Variants in TBCD observed in about 807,000 individuals in gnomAD.
TBCD encodes tubulin folding cofactor D.
In TBCD, 105 loss-of-function variants were observed where a neutral mutation model predicts 169.3. The observed-to-expected ratio is 0.62, with a 90% confidence interval of 0.53 to 0.73. The LOEUF is 0.73. Among genes scored for constraint, TBCD ranks in the 30% least tolerant of loss-of-function variants. The pLI, the probability that TBCD is intolerant of heterozygous loss-of-function variation, is 0.00. For missense variants in TBCD, 1,444 were observed against 1,600.1 expected, an observed-to-expected ratio of 0.90 and a Z score of 1.66; for synonymous variants, 700 against 643.9, an observed-to-expected ratio of 1.09 and a Z score of -1.32.
chr17:82,919,531 G>A (rs2061286019), intron 23 of TBCD, among the ~76,000 whole-genome samples: 2 of 152,096 alleles, frequency 1.3e-5, no homozygotes, highest in Admixed American at 1.3e-4. Context: ...ATGAAATGGG[G>A]CAGAGCAGAC....
intron 17 of TBCD, among the ~76,000 whole-genome samples, chr17:82,898,273 ACGGC>A: frequency 2.0e-4 from 1 of 4,916 alleles, no homozygotes; most frequent in East Asian, 3.7e-3. Flanking sequence ...AGCACACGGC[ACGGC>A]TCTGGGTTTT....
intron 14 of TBCD, 65 bp downstream of exon 14, chr17:82,870,445 C>T: frequency 1.9e-6 from 3 of 1,562,746 alleles, no homozygotes; most frequent in South Asian, 1.2e-5. Flanking sequence ...GTGTCGTTTC[C>T]TCCATGAGAG....
intron 26 of TBCD, among the ~76,000 whole-genome samples, chr17:82,924,663 C>T (rs1282005790): frequency 6.6e-6 from 1 of 152,172 alleles, no homozygotes; most frequent in Non-Finnish European, 1.5e-5. Flanking sequence ...ATCCCAGCTA[C>T]TTGGGAGGCT....
At chr17:82,882,759 G>A (rs1407666818) in intron 14 of TBCD, among the ~76,000 whole-genome samples, 1 of 152,140 alleles carries the variant, frequency 6.6e-6, no homozygotes, top group Non-Finnish European at 1.5e-5. Context: ...CTGTGAAACC[G>A]GAGAGCAAGG....
At chr17:82,847,372 A>C (rs1397863840) in intron 13 of TBCD, among the ~76,000 whole-genome samples, 1 of 151,486 alleles carries the variant, frequency 6.6e-6, no homozygotes, top group Non-Finnish European at 1.5e-5. Context: ...AAAAAAAAAA[A>C]AAAAAAAGAA....
rs529474211 is a variant in TBCD, at chr17:82,761,439, T to C, written c.236-2526T>C. ...CCCATTTTAGTAAGATGTTTGAGTTTCGGTAAATGTATACACCCCGCGCTA... is the reference window on the plus strand; with the variant it reads ...CCCATTTTAGTAAGATGTTTGAGTTCCGGTAAATGTATACACCCCGCGCTA... On this transcript the variant is annotated intron_variant, in intron 2 of 38. Coordinates refer to ENST00000355528, the MANE Select transcript of TBCD (RefSeq NM_005993.5). Among the ~76,000 whole-genome samples, 5 of 152,222 alleles carry C rather than the reference T, an allele frequency of 3.3e-5. No individual in the cohort carries two copies. In the South Asian group the frequency reaches 1.0e-3, roughly 31 times the overall value.
At chr17:82,827,914 C>A (rs374012071) in intron 13 of TBCD, among the ~76,000 whole-genome samples, 1 of 138,798 alleles carries the variant, frequency 7.2e-6, no homozygotes, top group East Asian at 2.3e-4. Context: ...CACACACACC[C>A]CCATAGATAT....
rs929273178 is a variant in TBCD, at chr17:82,752,361, C to A, written c.168C>A (p.Ala56=). 2 of 1,365,632 alleles carry A rather than the reference C, an allele frequency of 1.5e-6. No individual in the cohort carries two copies. The highest frequency in any genetic ancestry group is 4.0e-5 in the Admixed American group (1 of 24,724). The allele number at this position is 1,365,632 out of a possible 1,614,324, so 84.6% of individuals were successfully genotyped here. The change falls in exon 1 of 39, where the codon GCC becomes GCA. Residue 56 remains alanine (A), a synonymous_variant. Transcript: ENST00000355528. ...GCGGCGGCGCGGAGCGCGAGGTGGC[C>A]CTGGAGCGGTTCCGCGGTGCGTGGG... ...VHGGGAEREV[A]LERFRVIMDK...
chr17:82,828,258 ACC>A (rs533443301), intron 13 of TBCD, among the ~76,000 whole-genome samples: 37 of 121,788 alleles, frequency 3.0e-4, no homozygotes, highest in African/African-American at 1.1e-3. Context: ...ACATGTGCAC[ACC>A]CACACAATTG....
intron 13 of TBCD, among the ~76,000 whole-genome samples, chr17:82,828,229 G>A (rs1475688177): frequency 4.3e-5 from 5 of 115,862 alleles, no homozygotes; most frequent in Non-Finnish European, 6.8e-5. Flanking sequence ...ACGATTGAAT[G>A]CGCCCCCCAC....
intron 12 of TBCD, among the ~76,000 whole-genome samples, chr17:82,814,196 A>G (rs75644024): frequency 1.3e-5 from 2 of 152,366 alleles, no homozygotes; most frequent in East Asian, 3.9e-4. Context: ...AGTTTGACTA[A>G]ACAGTGGGGT....
rs1054696914 is a variant in TBCD, at chr17:82,752,078, G to T, written c.-116G>T. The T allele has an allele frequency of 2.3e-5, 28 of 1,199,650 alleles. No homozygotes were observed. The highest frequency in any genetic ancestry group is 4.0e-5 in the Admixed American group (1 of 24,922). 74.3% of individuals were successfully genotyped at this position (1,199,650 alleles called of 1,614,324 possible). On this transcript the variant is annotated 5_prime_UTR_variant, in exon 1 of 39. Coordinates refer to ENST00000355528, the MANE Select transcript of TBCD (RefSeq NM_005993.5). Reference sequence around the variant, plus strand: ...TCGCGGGGCGGGGCCAGCGTCGGTTGCCGCCTTAGCGGGCGCCTCCTTTTC... The same window carrying T: ...TCGCGGGGCGGGGCCAGCGTCGGTTTCCGCCTTAGCGGGCGCCTCCTTTTC...
At chr17:82,899,235 A>G (rs539969294) in intron 17 of TBCD, among the ~76,000 whole-genome samples, 6 of 135,466 alleles carry the variant, frequency 4.4e-5, no homozygotes, top group Non-Finnish European at 7.8e-5. Context: ...TCCTCAGCGC[A>G]TGTCCTCAGC....
intron 17 of TBCD, among the ~76,000 whole-genome samples, chr17:82,895,054 T>G (rs890904214): frequency 1.3e-5 from 2 of 152,224 alleles, no homozygotes; most frequent in Non-Finnish European, 2.9e-5. Context: ...TTCAGCATAT[T>G]TCCCTTGTTG....
chr17:82,777,043 G>A (rs972110385), intron 6 of TBCD, among the ~76,000 whole-genome samples: 1 of 151,996 alleles, frequency 6.6e-6, no homozygotes, highest in Non-Finnish European at 1.5e-5. Context: ...TGCCCCAGGT[G>A]GTTGTTGGCC....
At chr17:82,841,523 G>A (rs757590626) in intron 13 of TBCD, among the ~76,000 whole-genome samples, 2 of 151,980 alleles carry the variant, frequency 1.3e-5, no homozygotes, top group African/African-American at 2.4e-5. Context: ...TTCCTAGGAT[G>A]GTTTAATACC....
In TBCD at chr17:82,929,083, C is replaced by T. The variant is rs377293010; in HGVS notation, c.2694-30C>T. ...GCCCGCTCTTAATTTACCGCCCGCC[C>T]TTGGTTTACCTCCTGCTCTCGGTTT... On this transcript the variant is annotated intron_variant, in intron 30 of 38. Transcript: ENST00000355528. 6.9e-6 allele frequency: 11 copies of T among 1,595,638 alleles called. No homozygotes were observed. The African/African-American group carries it at 1.3e-4, about 19-fold the overall frequency.
Position 82,933,017 on chromosome 17 carries a change from C to T in TBCD, c.3191+282C>T, listed in dbSNP as rs534988417. On this transcript the variant is annotated intron_variant, in intron 34 of 38. Coordinates refer to ENST00000355528, the MANE Select transcript of TBCD (RefSeq NM_005993.5). The stretch of plus-strand genomic sequence containing the variant: ...TGCACTCTCCCCCCAGCTATCCCAC[C>T]GGGCCAGGGGTGGGCCTCAGGGTTG... 1.7e-3 allele frequency among the ~76,000 whole-genome samples: 254 copies of T among 152,244 alleles called. 1 individual carries two copies. Among genetic ancestry groups the T allele is most frequent in the African/African-American group, 5.3e-3 (221 of 41,544 alleles).
chr17:82,921,023 G>C, intron 24 of TBCD: 1 of 268,442 alleles, frequency 3.7e-6, no homozygotes, highest in Non-Finnish European at 7.0e-6. Context: ...CCCCCACACT[G>C]GGCTGCCAGA....
Sources: allele counts gnomAD v4.1 joint callset (sites outside exome capture counted in the v4.1 genomes callset), GRCh38; gene constraint gnomAD v4.1.1; transcripts MANE v1.5; gene names NCBI Gene and HGNC (gene_info 2026-07-23, HGNC 2026-07-21).